Variants in APBB1 observed in about 807,000 individuals in gnomAD.
APBB1 encodes amyloid beta precursor protein binding family B member 1.
Under a neutral mutation model 78.4 loss-of-function variants are expected in APBB1, and 22 were observed. The observed-to-expected ratio is 0.28, with a 90% CI of 0.20 to 0.40. APBB1 has a LOEUF of 0.40. Among genes scored for constraint, APBB1 ranks in the 10% least tolerant of loss-of-function variants. The pLI is 1.00. For missense variants in APBB1, 749 were observed against 932.4 expected (o/e 0.80, Z 2.56); for synonymous variants, 369 against 372.7 (o/e 0.99, Z 0.12).
rs755180214 is a variant in APBB1, at chr11:6,401,736, G to A, written c.1389-48C>T. On this transcript the variant is annotated intron_variant, in intron 9 of 14. Transcript: ENST00000609360. This position sits in a 1 kb window ranked among gnomAD's most constrained non-coding sequence, Gnocchi z 4.5. ...GTGTCTCCCAGTACCATCCAGTGCT[G>A]AGCCTGGTCCCCACCCCACCCACGT... 2.5e-6 allele frequency: 4 copies of A among 1,598,558 alleles called. No individual in the cohort carries two copies. Among genetic ancestry groups the A allele is most frequent in the Non-Finnish European group, 2.6e-6 (3 of 1,166,306 alleles).
At position 6,396,190 on chromosome 11, in the gene APBB1, G is replaced by C; in HGVS notation, c.1698C>G (p.Leu566=). ...GGCTGCTGGAGGACAGGACTGACTC[G>C]AGGGCCCCATTAATCACATCTACCC... The part of the protein sequence containing the change: ...PVGVDVINGA[L]ESVLSSSSRE... Residue 566 remains leucine, a synonymous_variant, in exon 13 of 15, where the codon CTC becomes CTG. Transcript: ENST00000609360. 6.4e-7 allele frequency: 1 copy of C among 1,551,302 alleles called. No homozygotes were observed. The highest frequency in any genetic ancestry group is 8.7e-7 in the Non-Finnish European group (1 of 1,146,958).
Position 6,403,609 on chromosome 11 carries a change from C to T in APBB1, c.897+38G>A, listed in dbSNP as rs766504176. On this transcript the variant is annotated intron_variant, in intron 3 of 14. Coordinates refer to ENST00000609360, the MANE Select transcript of APBB1 (RefSeq NM_001164.5). The surrounding 1 kb of genome is among the most constrained non-coding windows in gnomAD (Gnocchi z 5.3). ...CTACTCCAGCAGCACACACTCCCTC[C>T]ACCCCTGGCCCAAAATCAACAGGCC... is the stretch of plus-strand genomic sequence containing the variant. 1.9e-5 allele frequency: 31 copies of T among 1,613,224 alleles called. No individual in the cohort carries two copies. Among genetic ancestry groups the T allele is most frequent in the Non-Finnish European group, 2.5e-5 (29 of 1,179,340 alleles).
chr11:6,397,798 G>C (rs542757268), intron 12 of APBB1, among the ~76,000 whole-genome samples: 2 of 152,312 alleles, frequency 1.3e-5, no homozygotes, highest in East Asian at 3.9e-4. Flanking sequence ...TTCTAACACA[G>C]GGCTTATCTG....
chr11:6,395,823 G>A lies in APBB1; in HGVS notation c.1928C>T (p.Ala643Val), dbSNP rs750415619. Residue 643 changes from alanine (A) to valine (V), a missense_variant, in exon 14 of 15, where the codon GCT becomes GTT. This residue lies in a region of APBB1 where 96 missense variants were observed against 116.0 expected (regional missense o/e 0.83). Coordinates refer to ENST00000609360, the MANE Select transcript of APBB1 (RefSeq NM_001164.5). The surrounding 1 kb of genome is among the most constrained non-coding windows in gnomAD (Gnocchi z 5.2). The stretch of plus-strand genomic sequence containing the variant: ...CTGCACAGCCTCTGAGAGGCTGGCA[G>A]CATTGGGCTCGCACCAGAACATGTG... Reference protein sequence around the residue: ...CCHMFWCEPNAASLSEAVQAA... With the variant: ...CCHMFWCEPNVASLSEAVQAA... The A allele has an allele frequency of 2.5e-6, 4 of 1,614,130 alleles. No homozygotes were observed. In the Admixed American group the frequency reaches 6.7e-5, roughly 27 times the overall value.
At chr11:6,407,992 TA>T (rs1168049707) in intron 2 of APBB1, among the ~76,000 whole-genome samples, 1 of 151,412 alleles carries the variant, frequency 6.6e-6, no homozygotes, top group Non-Finnish European at 1.5e-5. Context: ...TGTTAGCCAG[TA>T]TGGTCTCGAT....
Position 6,401,637 on chromosome 11 carries a change from G to A in APBB1, c.1440C>T (p.His480=), listed in dbSNP as rs188642100. The change falls in exon 10 of 15, where the codon CAC becomes CAT. Residue 480 remains histidine (H), a synonymous_variant. Coordinates refer to ENST00000609360, the MANE Select transcript of APBB1 (RefSeq NM_001164.5). This position sits in a 1 kb window ranked among gnomAD's most constrained non-coding sequence, Gnocchi z 4.5. ...TGGCAGGTGCCTCACAGCGAAACAC[G>A]TGGCACTTGAGCATCTGGGTCAGCT... is the stretch of plus-strand genomic sequence containing the variant. The part of the protein sequence containing the change: ...RDKLTQMLKC[H]VFRCEAPAKN... 5.8e-4 allele frequency: 941 copies of A among 1,614,200 alleles called. 6 individuals carry two copies. The East Asian group carries it at 0.015, about 26-fold the overall frequency.
intron 2 of APBB1, chr11:6,404,882 G>A (rs949033448): frequency 3.6e-5 from 55 of 1,511,790 alleles, no homozygotes. Flanking sequence ...GCCTGGTGCT[G>A]GGCTGCAGAG....
At chr11:6,396,260 T>C (rs1470266153) in intron 12 of APBB1, 45 bp from the exon 13 acceptor site, 8 of 1,499,730 alleles carry the variant, frequency 5.3e-6, no homozygotes, top group Admixed American at 2.0e-5. Flanking sequence ...AGACAGAGGA[T>C]ACCCCAGCTC....
Position 6,410,970 on chromosome 11 carries a change from G to T in APBB1, c.378C>A (p.Asn126Lys). ...LYSELELSAH[N>K]AANRGLRGPG... ...GTCCTCGTAGGCCTCGGTTGGCTGC[G>T]TTGTGAGCTGAGAGCTCCAGCTCAG... Residue 126 changes from asparagine to lysine, a missense_variant, in exon 2 of 15, where the codon AAC (asparagine) becomes AAA (lysine). By Grantham distance (94) the Asn-to-Lys change is moderately conservative (BLOSUM62 0). Around this residue, in one of 3 missense-constraint regions of APBB1, gnomAD observed 635 missense variants for 765.0 expected, o/e 0.83. Coordinates refer to ENST00000609360, the MANE Select transcript of APBB1 (RefSeq NM_001164.5). The T allele has an allele frequency of 6.2e-7, 1 of 1,614,198 alleles. No homozygotes were observed. The highest frequency in any genetic ancestry group is 1.1e-5 in the South Asian group (1 of 91,092).
In APBB1 at chr11:6,401,779, G is replaced by A. The variant is rs763851204; in HGVS notation, c.1389-91C>T. On this transcript the variant is annotated intron_variant, in intron 9 of 14. Coordinates refer to ENST00000609360, the MANE Select transcript of APBB1 (RefSeq NM_001164.5). The surrounding 1 kb of genome is among the most constrained non-coding windows in gnomAD (Gnocchi z 4.5). ...ACCCACGTCCTCCCTGCCCATCACA[G>A]CTCCTCCAGGGCTTCTGCCCACAGC... 1.3e-6 allele frequency: 2 copies of A among 1,497,980 alleles called. No homozygotes were observed. The highest frequency in any genetic ancestry group is 1.1e-5 in the South Asian group (1 of 87,434). 92.8% of individuals were successfully genotyped at this position (1,497,980 alleles called of 1,614,324 possible).
Position 6,411,771 on chromosome 11 carries a change from C to G in APBB1, c.-14-410G>C, listed in dbSNP as rs1378907932. On this transcript the variant is annotated intron_variant, in intron 1 of 14. Coordinates refer to ENST00000609360, the MANE Select transcript of APBB1 (RefSeq NM_001164.5). The surrounding 1 kb of genome is among the most constrained non-coding windows in gnomAD (Gnocchi z 5.2). ...GTTTTGGACACTGATCACTGACTGC[C>G]CCTCTCCGGCCGCACTTCCATCCCA... Among the ~76,000 whole-genome samples the G allele has an allele frequency of 6.6e-6, 1 of 152,130 alleles. No homozygotes were observed. Among genetic ancestry groups the G allele is most frequent in the African/African-American group, 2.4e-5 (1 of 41,436 alleles).
intron 2 of APBB1, among the ~76,000 whole-genome samples, chr11:6,409,492 G>A (rs962550352): frequency 3.3e-5 from 5 of 152,178 alleles, no homozygotes; most frequent in African/African-American, 4.8e-5. Flanking sequence ...AAACTGGCTC[G>A]TGGGTAAATC....
rs1251450645 is a variant in APBB1, at chr11:6,403,443, C to T, written c.955-39G>A. ...TTGAGGAATCAGTATCAAAATGATG[C>T]CCCTCCTCCAGCTATCCCGTGGTAA... On this transcript the variant is annotated intron_variant, in intron 4 of 14. Transcript: ENST00000609360. This position sits in a 1 kb window ranked among gnomAD's most constrained non-coding sequence, Gnocchi z 5.3. The T allele has an allele frequency of 2.5e-6, 4 of 1,614,016 alleles. No individual in the cohort carries two copies. The highest frequency in any genetic ancestry group is 3.4e-6 in the Non-Finnish European group (4 of 1,179,870).
chr11:6,414,144 C>T (rs573442318), intron 1 of APBB1, among the ~76,000 whole-genome samples: 136 of 152,304 alleles, frequency 8.9e-4, no homozygotes, highest in African/African-American at 3.2e-3. Context: ...CTCCCGCCTC[C>T]TTTATACCTT....
chr11:6,398,808 GT>G (rs1285933947), intron 12 of APBB1, among the ~76,000 whole-genome samples: 1 of 152,138 alleles, frequency 6.6e-6, no homozygotes, highest in Non-Finnish European at 1.5e-5. Context: ...TCTAAGAAGG[GT>G]CCCCTCTTTC....
At chr11:6,410,120 C>A (rs1225986510) in intron 2 of APBB1, among the ~76,000 whole-genome samples, 1 of 151,942 alleles carries the variant, frequency 6.6e-6, no homozygotes, top group Admixed American at 6.5e-5. Flanking sequence ...CCAAGTGCAC[C>A]TGAGTGCATT....
Position 6,401,887 on chromosome 11 carries a change from G to A in APBB1, c.1388+90C>T. Reference sequence around the variant, plus strand: ...AGGTGGAGGGTAATGGTGGAGCATAGCGGGTGGGAAGGGGCAGGGCAGAAG... The same window carrying A: ...AGGTGGAGGGTAATGGTGGAGCATAACGGGTGGGAAGGGGCAGGGCAGAAG... On this transcript the variant is annotated intron_variant, in intron 9 of 14. Coordinates refer to ENST00000609360, the MANE Select transcript of APBB1 (RefSeq NM_001164.5). The surrounding 1 kb of genome is among the most constrained non-coding windows in gnomAD (Gnocchi z 4.5). 6.6e-7 allele frequency: 1 copy of A among 1,522,282 alleles called. No homozygotes were observed. The highest frequency in any genetic ancestry group is 8.9e-7 in the Non-Finnish European group (1 of 1,125,004). 94.3% of individuals were successfully genotyped at this position (1,522,282 alleles called of 1,614,324 possible). A position where few individuals can be genotyped will look rare whatever the true frequency, so the allele number is the denominator to read the frequency against.
intron 1 of APBB1, among the ~76,000 whole-genome samples, chr11:6,415,054 A>C (rs899621835): frequency 6.6e-6 from 1 of 152,214 alleles, no homozygotes; most frequent in African/African-American, 2.4e-5. Context: ...CTGAAGCCTG[A>C]GCATCTAGCC....
intron 2 of APBB1, among the ~76,000 whole-genome samples, chr11:6,404,409 C>T (rs1751586836): frequency 6.6e-6 from 1 of 152,126 alleles, no homozygotes; most frequent in Admixed American, 6.5e-5. Flanking sequence ...CATACGAGCC[C>T]CTGCCACACA....
Sources: allele counts gnomAD v4.1 joint callset (sites outside exome capture counted in the v4.1 genomes callset), GRCh38; gene constraint gnomAD v4.1.1; regional missense constraint gnomAD v4.1.1; non-coding constraint Gnocchi (gnomAD v3.1); transcripts MANE v1.5; gene names NCBI Gene and HGNC (gene_info 2026-07-23, HGNC 2026-07-21).